The following ITPR2 variants were observed in gnomAD, a reference collection of about 807,000 sequenced individuals.
The protein encoded by ITPR2 is inositol 1,4,5-trisphosphate-gated calcium channel ITPR2.
ITPR2 carries 207 observed loss-of-function variants against 317.1 expected under a neutral mutation model. That is an observed-to-expected ratio of 0.65 (90% CI 0.58 to 0.73). ITPR2 has a LOEUF of 0.73. Among genes scored for constraint, ITPR2 ranks in the 30% least tolerant of loss-of-function variants. The probability of loss-of-function intolerance (pLI) is 0.00; values close to 1 mark genes in which losing one functional copy is unlikely to be tolerated. For synonymous variants in ITPR2, 1,156 were observed against 1,149.1 expected (o/e 1.01, Z -0.12); for missense variants, 2,613 against 3,284.0 (o/e 0.80, Z 4.99).
chr12:26,824,157 C>A (rs1030538980), intron 1 of ITPR2, among the ~76,000 whole-genome samples: 4 of 152,184 alleles, frequency 2.6e-5, no homozygotes, highest in African/African-American at 9.7e-5. Flanking sequence ...TTAGCCTACA[C>A]TGGGCAAATA....
rs759872086 is a variant in ITPR2, at chr12:26,777,194, C to A, written c.163+12963G>T. On this transcript the variant is annotated intron_variant, in intron 2 of 56. Coordinates refer to ENST00000381340, the MANE Select transcript of ITPR2 (RefSeq NM_002223.4). Reference sequence around the variant, plus strand: ...GCCCACTGTGAGCAAGCGGGAAATGCCTGATCTCCCTTGGTTTAATGTGGA... The same window carrying A: ...GCCCACTGTGAGCAAGCGGGAAATGACTGATCTCCCTTGGTTTAATGTGGA... Among the ~76,000 whole-genome samples the A allele has an allele frequency of 1.4e-4, 21 of 152,260 alleles. 1 individual carries two copies. The highest frequency in any genetic ancestry group is 3.4e-3 in the Middle Eastern group (1 of 294).
At chr12:26,675,441 G>T (rs943449944) in intron 13 of ITPR2, among the ~76,000 whole-genome samples, 1 of 151,696 alleles carries the variant, frequency 6.6e-6, no homozygotes, top group Non-Finnish European at 1.5e-5. Flanking sequence ...GTAAACTATC[G>T]CAAGAACAAA....
chr12:26,609,938 G>C (rs1002848954), intron 26 of ITPR2, among the ~76,000 whole-genome samples: 1 of 152,314 alleles, frequency 6.6e-6, no homozygotes, highest in South Asian at 2.1e-4. Flanking sequence ...ATCACCTTCA[G>C]TGGAATGAGC....
intron 54 of ITPR2, among the ~76,000 whole-genome samples, chr12:26,393,207 T>G (rs996437197): frequency 6.6e-6 from 1 of 152,230 alleles, no homozygotes; most frequent in Non-Finnish European, 1.5e-5. Flanking sequence ...GATTCTCTCC[T>G]TTGTTATTTG....
intron 55 of ITPR2, among the ~76,000 whole-genome samples, chr12:26,367,145 G>T (rs148613332): frequency 4.6e-5 from 7 of 152,066 alleles, no homozygotes; most frequent in African/African-American, 1.4e-4. Context: ...TATCTCTGAA[G>T]GGCCTTTGAG....
chr12:26,717,783 A>G (rs891140019), intron 5 of ITPR2, among the ~76,000 whole-genome samples: 5 of 152,234 alleles, frequency 3.3e-5, no homozygotes, highest in African/African-American at 1.2e-4. Context: ...ATTTTTCACA[A>G]TATATCTTTA....
intron 39 of ITPR2, among the ~76,000 whole-genome samples, chr12:26,492,720 C>T (rs1942836299): frequency 1.3e-5 from 2 of 152,114 alleles, no homozygotes; most frequent in Admixed American, 1.3e-4. Context: ...TTCAGTTAAA[C>T]AGGAGGAGTA....
intron 37 of ITPR2, among the ~76,000 whole-genome samples, chr12:26,507,398 T>A (rs1355158825): frequency 6.6e-6 from 1 of 152,216 alleles, no homozygotes. Context: ...CTTATTATGG[T>A]CTTATGAATG....
rs1022032043 is a variant in ITPR2 at position 26,562,038 on chromosome 12, G to T, written c.4631-86C>A. On this transcript the variant is annotated intron_variant, in intron 34 of 56. Coordinates refer to ENST00000381340, the MANE Select transcript of ITPR2 (RefSeq NM_002223.4). ...TCCATACAATCTTATAAACATAAAA[G>T]AAAAAATATTAAATCTTTAAACTCT... The T allele has an allele frequency of 2.1e-5, 19 of 911,958 alleles. No homozygotes were observed. The Admixed American group carries it at 6.8e-4, about 33-fold the overall frequency. 56.5% of individuals were successfully genotyped at this position (911,958 alleles called of 1,614,324 possible).
At chr12:26,606,418 T>C (rs1946129517) in intron 26 of ITPR2, among the ~76,000 whole-genome samples, 1 of 152,184 alleles carries the variant, frequency 6.6e-6, no homozygotes. Flanking sequence ...AATTGCATAG[T>C]ATATACCATA....
At chr12:26,657,251 C>T (rs1947393011) in intron 18 of ITPR2, among the ~76,000 whole-genome samples, 1 of 152,174 alleles carries the variant, frequency 6.6e-6, no homozygotes, top group Non-Finnish European at 1.5e-5. Flanking sequence ...GCTGAACTTT[C>T]GTTAACTACA....
intron 1 of ITPR2, among the ~76,000 whole-genome samples, chr12:26,826,829 G>A (rs1311804868): frequency 2.0e-5 from 3 of 152,122 alleles, no homozygotes; most frequent in Non-Finnish European, 2.9e-5. Context: ...AAGGACCGAT[G>A]CACCTTACAC....
intron 2 of ITPR2, among the ~76,000 whole-genome samples, chr12:26,738,638 C>T (rs1327829545): frequency 6.6e-6 from 1 of 151,540 alleles, no homozygotes; most frequent in Non-Finnish European, 1.5e-5. Flanking sequence ...TTCTTTTTAC[C>T]AACAAGAATG....
At chr12:26,756,508 T>C (rs547536942) in intron 2 of ITPR2, among the ~76,000 whole-genome samples, 24 of 152,230 alleles carry the variant, frequency 1.6e-4, no homozygotes, top group Non-Finnish European at 3.2e-4. Flanking sequence ...ATTGCTGTTG[T>C]AGTCTTTTTG....
At chr12:26,487,612 GT>G (rs1942702041) in intron 39 of ITPR2, among the ~76,000 whole-genome samples, 1 of 152,098 alleles carries the variant, frequency 6.6e-6, no homozygotes, top group African/African-American at 2.4e-5. Flanking sequence ...TATGTATTGA[GT>G]GCCTACTATG....
chr12:26,730,012 G>A (rs183706323), intron 2 of ITPR2, among the ~76,000 whole-genome samples: 1 of 152,032 alleles, frequency 6.6e-6, no homozygotes, highest in East Asian at 1.9e-4. Context: ...CTGGGAAGCT[G>A]AAATAAACCA....
chr12:26,622,437 C>G, intron 24 of ITPR2, 32 bp from the exon 25 acceptor site: 9 of 1,524,040 alleles, frequency 5.9e-6, no homozygotes, highest in Non-Finnish European at 8.0e-6. Flanking sequence ...TAAAGTGACT[C>G]CTATTTATAT....
chr12:26,801,024 G>C (rs1950547240), intron 1 of ITPR2: 1 of 196,314 alleles, frequency 5.1e-6, no homozygotes, highest in African/African-American at 2.3e-5. Context: ...TGGTGAAGGA[G>C]CTCATCTTCA....
At chr12:26,382,857 C>T (rs969517962) in intron 55 of ITPR2, among the ~76,000 whole-genome samples, 17 of 152,172 alleles carry the variant, frequency 1.1e-4, no homozygotes, top group Admixed American at 1.1e-3. Flanking sequence ...ATATCTGTCC[C>T]CTCCAAACTT....
Sources: gnomAD v4.1 joint callset for allele counts (sites outside exome capture counted in the v4.1 genomes callset) on GRCh38, gnomAD v4.1.1 for gene constraint, MANE v1.5 for transcripts, NCBI Gene and HGNC (gene_info 2026-07-23, HGNC 2026-07-21) for gene names.